Variants in NAALADL2 observed in about 807,000 individuals in gnomAD.
NAALADL2 encodes inactive N-acetylated-alpha-linked acidic dipeptidase-like protein 2.
Under a neutral mutation model 87.2 loss-of-function variants are expected in NAALADL2, and 76 were observed. The observed-to-expected ratio is 0.87, with a 90% CI of 0.72 to 1.05. The LOEUF (loss-of-function observed/expected upper bound fraction) is 1.05. NAALADL2 is among the 50% of genes least tolerant of loss of function. NAALADL2 has a pLI of 0.00. For synonymous variants in NAALADL2, 354 were observed against 331.0 expected (o/e 1.07, Z -0.75); for missense variants, 1,089 against 945.8 (o/e 1.15, Z -1.99).
At chr3:174,977,078 AT>A (rs1202243128) in intron 1 of NAALADL2, among the ~76,000 whole-genome samples, 3 of 152,198 alleles carry the variant, frequency 2.0e-5, no homozygotes, top group Non-Finnish European at 2.9e-5. Flanking sequence ...CTAAGGCCAA[AT>A]AGGATGTAAA....
intron 2 of NAALADL2, among the ~76,000 whole-genome samples, chr3:175,138,925 T>TATATATATATATATA (rs1729571918): frequency 1.5e-5 from 2 of 136,416 alleles, no homozygotes; most frequent in African/African-American, 2.7e-5. Flanking sequence ...TATATATATA[T>TATATATATATATATA]GATAGTGAAG....
chr3:175,794,883 T>G (rs1040846997), intron 13 of NAALADL2, among the ~76,000 whole-genome samples: 2 of 152,204 alleles, frequency 1.3e-5, no homozygotes, highest in Non-Finnish European at 2.9e-5. Context: ...GACATTTATT[T>G]CTCACAGTTC....
intron 1 of NAALADL2, among the ~76,000 whole-genome samples, chr3:174,465,906 G>T (rs1321434586): frequency 2.6e-5 from 4 of 151,942 alleles, no homozygotes; most frequent in Non-Finnish European, 5.9e-5. Context: ...GTGTGTGTCT[G>T]TTCCTGTTTG....
rs373177728 is a variant in NAALADL2, at chr3:175,714,130, T to C, written c.1897-23176T>C. On this transcript the variant is annotated intron_variant, in intron 11 of 13. Coordinates refer to ENST00000454872, the MANE Select transcript of NAALADL2 (RefSeq NM_207015.3). ...CACATTTTCTTTATCCAGTGTATTA[T>C]TGATGGGCATTTGAGTTGGTTCCAA... Among the ~76,000 whole-genome samples the C allele has an allele frequency of 1.2e-4, 19 of 152,302 alleles. 1 individual carries two copies. Among genetic ancestry groups the C allele is most frequent in the African/African-American group, 3.8e-4 (16 of 41,582 alleles).
At chr3:174,801,132 G>T (rs546298475) in intron 3 of NAALADL2, among the ~76,000 whole-genome samples, 5 of 152,248 alleles carry the variant, frequency 3.3e-5, no homozygotes, top group South Asian at 2.1e-4. Flanking sequence ...AGACATGATT[G>T]GTTTTGAATG....
intron 13 of NAALADL2, among the ~76,000 whole-genome samples, chr3:175,771,150 T>C (rs1024254222): frequency 2.0e-5 from 3 of 152,224 alleles, no homozygotes; most frequent in African/African-American, 7.2e-5. Context: ...TTTTATTTTA[T>C]GTATTTATTA....
intron 12 of NAALADL2, among the ~76,000 whole-genome samples, chr3:175,741,099 G>A (rs2150095051): frequency 6.6e-6 from 1 of 151,896 alleles, no homozygotes; most frequent in South Asian, 2.1e-4. Context: ...ACATTAGTTA[G>A]GAACTGTCAT....
At chr3:174,725,416 C>T (rs1732086843) in intron 2 of NAALADL2, among the ~76,000 whole-genome samples, 1 of 152,090 alleles carries the variant, frequency 6.6e-6, no homozygotes, top group Non-Finnish European at 1.5e-5. Context: ...GTATTATAGG[C>T]TGTTTTTAGT....
intron 4 of NAALADL2, among the ~76,000 whole-genome samples, chr3:175,273,396 A>G (rs920938374): frequency 2.6e-5 from 4 of 152,106 alleles, no homozygotes; most frequent in African/African-American, 9.7e-5. Context: ...ATTTCATTTT[A>G]AAGTGTTCTA....
intron 1 of NAALADL2, among the ~76,000 whole-genome samples, chr3:174,528,483 T>G (rs554807034): frequency 6.6e-6 from 1 of 151,864 alleles, no homozygotes; most frequent in Non-Finnish European, 1.5e-5. Context: ...TACAAAAAAC[T>G]TGGGTGTGAC....
At chr3:175,212,825 C>T (rs924048320) in intron 2 of NAALADL2, among the ~76,000 whole-genome samples, 3 of 152,090 alleles carry the variant, frequency 2.0e-5, no homozygotes, top group Non-Finnish European at 4.4e-5. Flanking sequence ...TCAGAAAGTT[C>T]GTATGAAATA....
At chr3:175,633,453 T>A (rs912220422) in intron 11 of NAALADL2, among the ~76,000 whole-genome samples, 1 of 152,066 alleles carries the variant, frequency 6.6e-6, no homozygotes, top group Non-Finnish European at 1.5e-5. Flanking sequence ...TGTAGCTACA[T>A]TTAGAAGAGA....
At chr3:175,017,963 A>G (rs1393564006) in intron 1 of NAALADL2, among the ~76,000 whole-genome samples, 3 of 152,024 alleles carry the variant, frequency 2.0e-5, no homozygotes, top group Admixed American at 6.6e-5. Context: ...TGGCAAGCAT[A>G]TGAAAGGTGG....
chr3:174,501,459 T>C (rs1193284313), intron 1 of NAALADL2, among the ~76,000 whole-genome samples: 1 of 152,212 alleles, frequency 6.6e-6, no homozygotes, highest in African/African-American at 2.4e-5. Flanking sequence ...CTCAGTTTTC[T>C]GGTAGATTTT....
At chr3:175,738,589 T>A (rs181483434) in intron 12 of NAALADL2, among the ~76,000 whole-genome samples, 1 of 152,296 alleles carries the variant, frequency 6.6e-6, no homozygotes, top group East Asian at 1.9e-4. Context: ...ACTCCCTGGA[T>A]TAGAGATTAC....
rs999865401 is a variant in NAALADL2 at position 175,166,337 on chromosome 3, A to G, written c.546-67594A>G. Among the ~76,000 whole-genome samples the G allele has an allele frequency of 1.8e-4, 28 of 151,966 alleles. 1 individual carries two copies. Among genetic ancestry groups the G allele is most frequent in the Admixed American group, 9.2e-4 (14 of 15,198 alleles). ...CTCACCTCATTTCCCTTGCATCCTC[A>G]AATTTCTCACTCTCTCTCCATTTCT... On this transcript the variant is annotated intron_variant, in intron 2 of 13. Coordinates refer to ENST00000454872, the MANE Select transcript of NAALADL2 (RefSeq NM_207015.3).
At chr3:174,554,743 T>A (rs1319238307) in intron 2 of NAALADL2, among the ~76,000 whole-genome samples, 1 of 152,188 alleles carries the variant, frequency 6.6e-6, no homozygotes, top group Non-Finnish European at 1.5e-5. Flanking sequence ...ATTCAAAAAA[T>A]TTTTTGTAGT....
At chr3:174,733,771 A>G (rs773362536) in intron 2 of NAALADL2, among the ~76,000 whole-genome samples, 1 of 152,190 alleles carries the variant, frequency 6.6e-6, no homozygotes, top group Non-Finnish European at 1.5e-5. Context: ...TCTCTGACCT[A>G]CTAAAATTAG....
intron 2 of NAALADL2, among the ~76,000 whole-genome samples, chr3:174,579,899 G>C (rs1368664331): frequency 2.0e-5 from 3 of 151,916 alleles, no homozygotes; most frequent in East Asian, 1.9e-4. Context: ...TGTAGACATA[G>C]TATTTACTTT....
Sources: allele counts gnomAD v4.1 joint callset (sites outside exome capture counted in the v4.1 genomes callset), GRCh38; gene constraint gnomAD v4.1.1; transcripts MANE v1.5; gene names NCBI Gene and HGNC (gene_info 2026-07-23, HGNC 2026-07-21).